Variants in ADGRL3 observed in about 807,000 individuals in gnomAD.
ADGRL3 encodes adhesion G protein-coupled receptor L3, also known as calcium-independent alpha-latrotoxin receptor 3.
A neutral mutation model predicts 153.5 loss-of-function variants in ADGRL3; 62 were observed. The ratio of observed to expected loss-of-function variants is 0.40; its 90% CI spans 0.33 to 0.50. The LOEUF (loss-of-function observed/expected upper bound fraction) is 0.50, where lower values mean the gene tolerates loss of function less well. Ranked by LOEUF, ADGRL3 falls within the 20% of genes least tolerant of loss-of-function variation. ADGRL3 has a pLI of 0.47. For missense variants in ADGRL3, 1,641 were observed against 1,859.4 expected (o/e 0.88, Z 2.16); for synonymous variants, 710 against 672.5 (o/e 1.06, Z -0.86).
In ADGRL3 at chr4:61,457,816, G is replaced by A. The variant is rs577901132; in HGVS notation, c.-173-39305G>A. 4.6e-5 allele frequency among the ~76,000 whole-genome samples: 7 copies of A among 151,496 alleles called. No individual in the cohort carries two copies. In the East Asian group the frequency reaches 7.8e-4, roughly 17 times the overall value. On this transcript the variant is annotated intron_variant, in intron 2 of 26. Transcript: ENST00000683033. ...TGAATTTTTTTGATCAGTTATTCCC[G>A]AAGGCCTTGTGTTTTTGTATAAAAT...
At chr4:61,388,088 C>G (rs768450678) in intron 2 of ADGRL3, among the ~76,000 whole-genome samples, 67 of 152,108 alleles carry the variant, frequency 4.4e-4, no homozygotes, top group Non-Finnish European at 7.6e-4. Flanking sequence ...CACCCCTCTC[C>G]CACTATCAGC....
intron 6 of ADGRL3, among the ~76,000 whole-genome samples, chr4:61,677,902 CA>C (rs1256222842): frequency 1.3e-5 from 2 of 151,686 alleles, no homozygotes; most frequent in Non-Finnish European, 2.9e-5. Flanking sequence ...GAAATTTGGC[CA>C]ATAAGAGAAG....
chr4:61,491,195 T>G (rs931216962), intron 2 of ADGRL3, among the ~76,000 whole-genome samples: 89 of 152,098 alleles, frequency 5.9e-4, no homozygotes, highest in African/African-American at 2.1e-3. Context: ...GAACGATAAT[T>G]TTTTTGTGAG....
At chr4:61,782,323 A>ATCTGC (rs1263774783) in intron 8 of ADGRL3, among the ~76,000 whole-genome samples, 20 of 152,202 alleles carry the variant, frequency 1.3e-4, no homozygotes, top group Middle Eastern at 3.2e-3. Context: ...GAGCAGCTGT[A>ATCTGC]TCATTGTTTG....
At chr4:61,891,629 A>G (rs2098587072) in intron 9 of ADGRL3, among the ~76,000 whole-genome samples, 1 of 152,180 alleles carries the variant, frequency 6.6e-6, no homozygotes, top group Admixed American at 6.5e-5. Flanking sequence ...GAAGTAGAAA[A>G]TGAATTACAA....
At chr4:61,827,281 T>C (rs1325682295) in intron 9 of ADGRL3, among the ~76,000 whole-genome samples, 1 of 152,180 alleles carries the variant, frequency 6.6e-6, no homozygotes, top group African/African-American at 2.4e-5. Flanking sequence ...AAATCACGGA[T>C]AGTGTTAGAC....
At position 61,935,904 on chromosome 4, in the gene ADGRL3, A is replaced by G. The variant is rs370267825; in HGVS notation, c.2297-19A>G. 9.9e-5 allele frequency: 157 copies of G among 1,579,642 alleles called. 2 individuals are homozygous for G. The African/African-American group carries it at 1.6e-3, about 16-fold the overall frequency. ...GGTATGTTTCTCAATGAGCACTGATATCTCTTTGATATTAACAGAATTGGA... is the reference window on the plus strand; with the variant it reads ...GGTATGTTTCTCAATGAGCACTGATGTCTCTTTGATATTAACAGAATTGGA... On this transcript the variant is annotated intron_variant, in intron 14 of 26. Transcript: ENST00000683033.
chr4:61,268,970 C>A (rs773085979), intron 1 of ADGRL3, among the ~76,000 whole-genome samples: 26 of 151,768 alleles, frequency 1.7e-4, no homozygotes, highest in Non-Finnish European at 2.8e-4. Context: ...GTAAGTGATA[C>A]TATATCCACT....
intron 1 of ADGRL3, among the ~76,000 whole-genome samples, chr4:61,352,133 T>C (rs2096063513): frequency 1.3e-5 from 2 of 152,116 alleles, no homozygotes; most frequent in South Asian, 2.1e-4. Flanking sequence ...CCAACCCTCA[T>C]GGATGACTTT....
chr4:61,604,813 A>G (rs985734058), intron 5 of ADGRL3, among the ~76,000 whole-genome samples: 6 of 152,170 alleles, frequency 3.9e-5, no homozygotes, highest in African/African-American at 9.6e-5. Flanking sequence ...AAAAGTGGCC[A>G]GGAACAATGG....
intron 2 of ADGRL3, among the ~76,000 whole-genome samples, chr4:61,496,782 A>T (rs1157043199): frequency 6.6e-6 from 1 of 151,492 alleles, no homozygotes; most frequent in Non-Finnish European, 1.5e-5. Flanking sequence ...TCTACTAAAA[A>T]TACAAAAATT....
At chr4:61,760,264 T>C (rs985040019) in intron 8 of ADGRL3, among the ~76,000 whole-genome samples, 1 of 152,164 alleles carries the variant, frequency 6.6e-6, no homozygotes, top group Non-Finnish European at 1.5e-5. Context: ...AGGTGGAGTC[T>C]ACAGAGGTAG....
intron 5 of ADGRL3, among the ~76,000 whole-genome samples, chr4:61,656,467 GACC>G (rs781624603): frequency 2.6e-5 from 4 of 152,032 alleles, no homozygotes; most frequent in Admixed American, 6.6e-5. Flanking sequence ...TACTTATTGA[GACC>G]AATATTCCTT....
intron 1 of ADGRL3, among the ~76,000 whole-genome samples, chr4:61,369,065 G>T (rs1431010307): frequency 2.6e-5 from 4 of 151,910 alleles, no homozygotes; most frequent in South Asian, 2.1e-4. Flanking sequence ...CTTGTGATTT[G>T]TGCACATTGA....
intron 9 of ADGRL3, among the ~76,000 whole-genome samples, chr4:61,840,743 A>G (rs1433496193): frequency 6.6e-6 from 1 of 152,218 alleles, no homozygotes; most frequent in East Asian, 1.9e-4. Flanking sequence ...TAGGTAGCCT[A>G]TGTTCATGAG....
At chr4:61,561,010 T>A (rs991831554) in intron 4 of ADGRL3, among the ~76,000 whole-genome samples, 5 of 152,158 alleles carry the variant, frequency 3.3e-5, no homozygotes, top group African/African-American at 1.2e-4. Flanking sequence ...TTAACAAGTA[T>A]CTTTTATTTA....
At chr4:61,479,078 C>T (rs2098101604) in intron 2 of ADGRL3, among the ~76,000 whole-genome samples, 1 of 151,906 alleles carries the variant, frequency 6.6e-6, no homozygotes, top group African/African-American at 2.4e-5. Context: ...CTTTTTTTCC[C>T]CTTCTTTTAA....
chr4:61,637,818 T>C (rs1429380623), intron 5 of ADGRL3, among the ~76,000 whole-genome samples: 1 of 151,718 alleles, frequency 6.6e-6, no homozygotes, highest in Admixed American at 6.6e-5. Flanking sequence ...AATAGTAGAG[T>C]TATCTGTTTC....
chr4:61,876,757 A>AAAATC lies in ADGRL3; in HGVS notation c.1481-15895_1481-15894insCAAAT, dbSNP rs1237708339. 4.6e-5 allele frequency among the ~76,000 whole-genome samples: 7 copies of AAAATC among 151,872 alleles called. No individual in the cohort carries two copies. The East Asian group carries it at 1.4e-3, about 29-fold the overall frequency. ...TAAAAAAAATAAAATAAAATAAAAT[A>AAAATC]AAATGGGGAGGCATGAATAATCCAC... On this transcript the variant is annotated intron_variant, in intron 9 of 26. Transcript: ENST00000683033.
Sources: allele counts gnomAD v4.1 joint callset (sites outside exome capture counted in the v4.1 genomes callset), GRCh38; gene constraint gnomAD v4.1.1; transcripts MANE v1.5; gene names NCBI Gene and HGNC (gene_info 2026-07-23, HGNC 2026-07-21).